Variants in SMOC2 observed in about 807,000 individuals in gnomAD.
SMOC2 encodes the protein SPARC-related modular calcium-binding protein 2.
A neutral mutation model predicts 61.4 loss-of-function variants in SMOC2; 39 were observed. The observed-to-expected ratio is 0.64, with a 90% confidence interval of 0.49 to 0.83. The LOEUF (loss-of-function observed/expected upper bound fraction) is 0.83. Among genes scored for constraint, SMOC2 ranks in the 40% least tolerant of loss-of-function variants. The pLI, the probability that SMOC2 is intolerant of heterozygous loss-of-function variation, is 0.00. For synonymous variants in SMOC2, 247 were observed against 239.9 expected (o/e 1.03, Z -0.27); for missense variants, 556 against 592.9 (o/e 0.94, Z 0.65).
intron 8 of SMOC2, among the ~76,000 whole-genome samples, chr6:168,606,263 C>T (rs1490114505): frequency 6.6e-6 from 1 of 152,132 alleles, no homozygotes; most frequent in Non-Finnish European, 1.5e-5. Context: ...TTGGAGCTGA[C>T]CCCCACCCCC....
intron 7 of SMOC2, among the ~76,000 whole-genome samples, chr6:168,585,611 C>T (rs1785029037): frequency 6.6e-6 from 1 of 152,196 alleles, no homozygotes; most frequent in Non-Finnish European, 1.5e-5. Flanking sequence ...CAGCATTTCA[C>T]ACTCACAGGA....
chr6:168,665,183 C>T (rs1033362862), intron 12 of SMOC2: 7 of 185,532 alleles, frequency 3.8e-5, no homozygotes, highest in Non-Finnish European at 5.6e-5. Context: ...AATCACTGTA[C>T]TCATGCGCTC....
chr6:168,574,424 G>T (rs1391382131), intron 7 of SMOC2, among the ~76,000 whole-genome samples: 1 of 152,230 alleles, frequency 6.6e-6, no homozygotes, highest in African/African-American at 2.4e-5. Context: ...CAGCACAGGG[G>T]AGAGGTCGCC....
At chr6:168,657,764 G>A (rs1015130600) in intron 11 of SMOC2, among the ~76,000 whole-genome samples, 13 of 152,104 alleles carry the variant, frequency 8.5e-5, no homozygotes, top group Non-Finnish European at 1.5e-4. Context: ...ATAGAAGGGC[G>A]AAGAGAGGGT....
At chr6:168,622,213 G>A (rs1241619297) in intron 9 of SMOC2, among the ~76,000 whole-genome samples, 4 of 151,988 alleles carry the variant, frequency 2.6e-5, no homozygotes, top group East Asian at 1.9e-4. Context: ...TGATCCACCC[G>A]CCTCGGCCTC....
At chr6:168,582,820 C>A (rs144243903) in intron 7 of SMOC2, among the ~76,000 whole-genome samples, 1 of 152,206 alleles carries the variant, frequency 6.6e-6, no homozygotes, top group Non-Finnish European at 1.5e-5. Context: ...CGAACCGACA[C>A]GCACGGGGAA....
intron 1 of SMOC2, among the ~76,000 whole-genome samples, chr6:168,499,667 C>T (rs2609329): frequency 0.5 from 75,915 of 152,066 alleles, 19,737 homozygotes; most frequent in East Asian, 0.75. Context: ...ATTTCCAGTG[C>T]GTATACTTTT....
chr6:168,631,296 G>A (rs187763537), intron 9 of SMOC2, among the ~76,000 whole-genome samples: 17 of 152,188 alleles, frequency 1.1e-4, no homozygotes, highest in African/African-American at 2.4e-4. Flanking sequence ...CCGATTCCCC[G>A]ATACTGTCCC....
chr6:168,467,584 A>C (rs1781873712), intron 1 of SMOC2, among the ~76,000 whole-genome samples: 1 of 152,166 alleles, frequency 6.6e-6, no homozygotes, highest in Non-Finnish European at 1.5e-5. Context: ...CTGGGATTAC[A>C]GGCATGAGCC....
chr6:168,576,499 G>A (rs950369541), intron 7 of SMOC2, among the ~76,000 whole-genome samples: 17 of 152,036 alleles, frequency 1.1e-4, no homozygotes, highest in Non-Finnish European at 1.9e-4. Flanking sequence ...AAGTGGTTCC[G>A]ACCCCACGGA....
At chr6:168,639,131 T>G (rs1489365726) in intron 9 of SMOC2, among the ~76,000 whole-genome samples, 1 of 152,198 alleles carries the variant, frequency 6.6e-6, no homozygotes, top group Non-Finnish European at 1.5e-5. Context: ...TGAGCGTCCT[T>G]TGTTCAGATG....
intron 9 of SMOC2, among the ~76,000 whole-genome samples, chr6:168,612,396 A>T (rs1252792871): frequency 1.2e-5 from 1 of 82,314 alleles, no homozygotes; most frequent in Admixed American, 1.2e-4. Context: ...GATCTCCATC[A>T]GGGGAGAGGG....
chr6:168,570,360 G>A (rs1240553913), intron 7 of SMOC2, among the ~76,000 whole-genome samples: 9 of 152,128 alleles, frequency 5.9e-5, no homozygotes, highest in East Asian at 3.9e-4. Context: ...TGCCAGAATC[G>A]TCAGGCTGAG....
In SMOC2 at chr6:168,650,769, C is replaced by T; in HGVS notation, c.996C>T (p.Ser332=). 6.2e-7 allele frequency: 1 copy of T among 1,611,774 alleles called. No homozygotes were observed. Among genetic ancestry groups the T allele is most frequent in the East Asian group, 2.2e-5 (1 of 44,866 alleles). The change falls in exon 10 of 13, where the codon TCC becomes TCT. Residue 332 remains serine, a synonymous_variant. Transcript: ENST00000356284. ...TDMVHAASDP[S]SSSGRLSEPD... is the part of the protein sequence containing the mutation. Reference sequence around the variant, plus strand: ...TGGTCCACGCCGCCTCCGACCCCTCCTCCTCGTCAGGCAGGTACGCTGTGT... The same window carrying T: ...TGGTCCACGCCGCCTCCGACCCCTCTTCCTCGTCAGGCAGGTACGCTGTGT...
rs567273097 is a variant in SMOC2 at position 168,532,843 on chromosome 6, G to T, written c.463+5116G>T. Among the ~76,000 whole-genome samples, 19 of 152,252 alleles carry T rather than the reference G, an allele frequency of 1.2e-4. No individual in the cohort carries two copies. In the South Asian group the frequency reaches 3.9e-3, roughly 32 times the overall value. On this transcript the variant is annotated intron_variant, in intron 4 of 12. Transcript: ENST00000356284. ...CCCTGCCTTCTAAAGTAGGGACCAG[G>T]CCTCATACACTGCAGCCATCGGCCT...
chr6:168,614,186 C>T (rs1473938365), intron 9 of SMOC2, among the ~76,000 whole-genome samples: 3 of 77,510 alleles, frequency 3.9e-5, no homozygotes, highest in African/African-American at 5.6e-5. Context: ...GGCCTCTTCA[C>T]ACCTACAGCC....
rs1583046753 is a variant in SMOC2 at position 168,481,464 on chromosome 6, A to T, written c.85-28451A>T. Among the ~76,000 whole-genome samples the T allele has an allele frequency of 5.3e-5, 8 of 152,224 alleles. No individual in the cohort carries two copies. In the South Asian group the frequency reaches 1.7e-3, roughly 32 times the overall value. On this transcript the variant is annotated intron_variant, in intron 1 of 12. Coordinates refer to ENST00000356284, the MANE Select transcript of SMOC2 (RefSeq NM_001166412.2). The stretch of plus-strand genomic sequence containing the variant: ...TAAATAAAAATGTTCTTATTTTAGG[A>T]TGTAAAATATAATCCTCATGGTAAC...
At chr6:168,478,843 C>G (rs1782145488) in intron 1 of SMOC2, among the ~76,000 whole-genome samples, 1 of 151,856 alleles carries the variant, frequency 6.6e-6, no homozygotes, top group Admixed American at 6.6e-5. Context: ...TAGAACAGCC[C>G]TGGTTTACAG....
At position 168,650,764 on chromosome 6, in the gene SMOC2, C is replaced by T. The variant is rs1199554108; in HGVS notation, c.991C>T (p.Pro331Ser). The change falls in exon 10 of 13, where the codon CCC (proline) becomes TCC (serine). Residue 331 changes from proline (P) to serine (S), a missense_variant. Coordinates refer to ENST00000356284, the MANE Select transcript of SMOC2 (RefSeq NM_001166412.2). ...STDMVHAASD[P>S]SSSSGRLSEP... ...GGACATGGTCCACGCCGCCTCCGAC[C>T]CCTCCTCCTCGTCAGGCAGGTACGC... 2 of 1,612,078 alleles carry T rather than the reference C, an allele frequency of 1.2e-6. No individual in the cohort carries two copies. The highest frequency in any genetic ancestry group is 2.2e-5 in the East Asian group (1 of 44,868).
Sources: allele counts gnomAD v4.1 joint callset (sites outside exome capture counted in the v4.1 genomes callset), GRCh38; gene constraint gnomAD v4.1.1; transcripts MANE v1.5; gene names NCBI Gene and HGNC (gene_info 2026-07-23, HGNC 2026-07-21).